The following ADCK1 variants were observed in gnomAD, a reference collection of about 807,000 sequenced individuals.
The protein encoded by ADCK1 is aarF domain containing kinase 1.
Under a neutral mutation model 52.3 loss-of-function variants are expected in ADCK1, and 41 were observed. The ratio of observed to expected loss-of-function variants is 0.78; its 90% CI spans 0.61 to 1.02. The LOEUF is 1.02. Among genes scored for constraint, ADCK1 ranks in the 50% least tolerant of loss-of-function variants. ADCK1 has a pLI of 0.00. For missense variants in ADCK1, 658 were observed against 679.5 expected, an observed-to-expected ratio of 0.97 and a Z score of 0.35; for synonymous variants, 250 against 274.6, an observed-to-expected ratio of 0.91 and a Z score of 0.89.
At chr14:77,884,641 G>T (rs796437018) in intron 4 of ADCK1, among the ~76,000 whole-genome samples, 1 of 152,188 alleles carries the variant, frequency 6.6e-6, no homozygotes, top group South Asian at 2.1e-4. Context: ...CTCAAACACC[G>T]TGGCCCGGGT....
chr14:77,819,317 C>T (rs1439962636), intron 2 of ADCK1, among the ~76,000 whole-genome samples: 1 of 152,192 alleles, frequency 6.6e-6, no homozygotes, highest in Middle Eastern at 3.2e-3. Context: ...ACCTCATATT[C>T]CTTTATTCCT....
chr14:77,878,642 T>A (rs2082950790), intron 4 of ADCK1, among the ~76,000 whole-genome samples: 1 of 152,246 alleles, frequency 6.6e-6, no homozygotes, highest in South Asian at 2.1e-4. Context: ...ACCCAGGGGT[T>A]ACCTGCCTGG....
chr14:77,921,573 A>G (rs535640961), intron 7 of ADCK1, among the ~76,000 whole-genome samples: 98 of 152,252 alleles, frequency 6.4e-4, no homozygotes, highest in African/African-American at 2.2e-3. Context: ...AGAGTGACAG[A>G]ACCATGCCAT....
At chr14:77,873,687 C>A (rs2082836328) in intron 4 of ADCK1, among the ~76,000 whole-genome samples, 1 of 152,202 alleles carries the variant, frequency 6.6e-6, no homozygotes, top group African/African-American at 2.4e-5. Context: ...CTCACATAAT[C>A]TGATGGTTTT....
chr14:77,841,825 CAG>C (rs1265572267), intron 3 of ADCK1, among the ~76,000 whole-genome samples: 1 of 127,510 alleles, frequency 7.8e-6, no homozygotes, highest in Non-Finnish European at 1.6e-5. Flanking sequence ...GCCTGAGTGA[CAG>C]AGTGACAGAG....
chr14:77,847,364 C>T lies in ADCK1; in HGVS notation c.220-11712C>T, dbSNP rs141889498. Among the ~76,000 whole-genome samples, 841 of 152,098 alleles carry T rather than the reference C, an allele frequency of 5.5e-3. 10 individuals are homozygous for T. The highest frequency in any genetic ancestry group is 0.01 in the Middle Eastern group (3 of 294). ...GGTGGGTGGATCACTTGAGGTCAGG[C>T]GTTCGAGATCAGCCTGGCCAACATG... On this transcript the variant is annotated intron_variant, in intron 3 of 10. Coordinates refer to ENST00000238561, the MANE Select transcript of ADCK1 (RefSeq NM_020421.4).
intron 6 of ADCK1, among the ~76,000 whole-genome samples, chr14:77,903,266 A>C (rs1443310870): frequency 2.0e-5 from 3 of 152,246 alleles, no homozygotes; most frequent in Admixed American, 2.0e-4. Flanking sequence ...ACAAGGGGGA[A>C]GTGAATTTTG....
At chr14:77,841,848 TAA>T (rs59818962) in intron 3 of ADCK1, among the ~76,000 whole-genome samples, 33 of 109,646 alleles carry the variant, frequency 3.0e-4, no homozygotes, top group South Asian at 3.3e-4. Context: ...TGACACTCTT[TAA>T]AAAAAAAAAA....
intron 7 of ADCK1, among the ~76,000 whole-genome samples, chr14:77,911,700 G>T (rs1030021408): frequency 1.5e-4 from 23 of 151,718 alleles, no homozygotes; most frequent in African/African-American, 5.3e-4. Flanking sequence ...TTGTCATTGG[G>T]CTATTTTTTT....
At chr14:77,877,204 G>C (rs1202874658) in intron 4 of ADCK1, among the ~76,000 whole-genome samples, 1 of 152,204 alleles carries the variant, frequency 6.6e-6, no homozygotes, top group Admixed American at 6.5e-5. Context: ...AACAGGGTGA[G>C]ACTCTGTCTC....
intron 3 of ADCK1, among the ~76,000 whole-genome samples, chr14:77,832,730 A>G (rs1262922635): frequency 6.6e-6 from 1 of 152,240 alleles, no homozygotes; most frequent in African/African-American, 2.4e-5. Flanking sequence ...GCTTCAGGAA[A>G]GAGTTTCAAC....
intron 9 of ADCK1, among the ~76,000 whole-genome samples, chr14:77,926,969 G>A (rs1445385829): frequency 2.0e-5 from 3 of 152,142 alleles, no homozygotes; most frequent in Non-Finnish European, 2.9e-5. Context: ...CTGAATCCAC[G>A]TGGGGGATGG....
chr14:77,901,508 G>C (rs2083544094), intron 6 of ADCK1, among the ~76,000 whole-genome samples: 1 of 152,000 alleles, frequency 6.6e-6, no homozygotes, highest in African/African-American at 2.4e-5. Context: ...TCCTGCCTCA[G>C]CCTCCTGAGT....
Position 77,887,308 on chromosome 14 carries a change from G to T in ADCK1, c.582+59G>T, listed in dbSNP as rs568488806. Reference sequence around the variant, plus strand: ...CAGTCTACATTTCCCTGGGATCCAGGCCACCTAGGTGGAACTGGTTCAAGC... The same window carrying T: ...CAGTCTACATTTCCCTGGGATCCAGTCCACCTAGGTGGAACTGGTTCAAGC... On this transcript the variant is annotated intron_variant, in intron 5 of 10. Coordinates refer to ENST00000238561, the MANE Select transcript of ADCK1 (RefSeq NM_020421.4). The T allele has an allele frequency of 1.1e-5, 17 of 1,479,986 alleles. No individual in the cohort carries two copies. The South Asian group carries it at 2.0e-4, about 17-fold the overall frequency. The allele number at this position is 1,479,986 out of a possible 1,614,324, so 91.7% of individuals were successfully genotyped here.
At chr14:77,817,614 C>G (rs1401857964) in intron 1 of ADCK1, among the ~76,000 whole-genome samples, 1 of 152,148 alleles carries the variant, frequency 6.6e-6, no homozygotes, top group Non-Finnish European at 1.5e-5. Context: ...TTGAACAGAT[C>G]AAATCAGCAG....
At chr14:77,888,925 G>T (rs1019295807) in intron 5 of ADCK1, among the ~76,000 whole-genome samples, 1 of 152,140 alleles carries the variant, frequency 6.6e-6, no homozygotes, top group South Asian at 2.1e-4. Context: ...ATCTTGAATT[G>T]TAGCCCCCAT....
intron 1 of ADCK1, among the ~76,000 whole-genome samples, chr14:77,801,703 G>A (rs2081114027): frequency 6.6e-6 from 1 of 152,194 alleles, no homozygotes; most frequent in Non-Finnish European, 1.5e-5. Context: ...ACTTTGGGAG[G>A]CTGAGGTGGG....
chr14:77,925,255 G>A (rs1362580558), intron 8 of ADCK1, among the ~76,000 whole-genome samples: 1 of 152,254 alleles, frequency 6.6e-6, no homozygotes, highest in Non-Finnish European at 1.5e-5. Context: ...CCAAAATGAT[G>A]GCCCAGATAC....
chr14:77,933,298 C>T lies in ADCK1; in HGVS notation c.1479C>T (p.Ile493=). Residue 493 remains isoleucine (I), a synonymous_variant, in exon 11 of 11, where the codon ATC becomes ATT. Coordinates refer to ENST00000238561, the MANE Select transcript of ADCK1 (RefSeq NM_020421.4). ...GCGAGGCCTTCAACTTATGGCAGAT[C>T]AACCTCCATGAGCTCATCCTGCGTG... ...SFSEAFNLWQ[I]NLHELILRVK... is the part of the protein sequence containing the mutation. 1 of 1,614,170 alleles carries T rather than the reference C, an allele frequency of 6.2e-7. No individual in the cohort carries two copies. The highest frequency in any genetic ancestry group is 8.5e-7 in the Non-Finnish European group (1 of 1,180,028).
Sources: gnomAD v4.1 joint callset for allele counts (sites outside exome capture counted in the v4.1 genomes callset) on GRCh38, gnomAD v4.1.1 for gene constraint, MANE v1.5 for transcripts, NCBI Gene and HGNC (gene_info 2026-07-23, HGNC 2026-07-21) for gene names.